Variants in DMXL2 observed in about 807,000 individuals in gnomAD.
DMXL2 encodes dmX-like protein 2.
DMXL2 carries 103 observed loss-of-function variants against 331.1 expected under a neutral mutation model. The observed-to-expected ratio is 0.31, with a 90% CI of 0.27 to 0.37. The LOEUF (loss-of-function observed/expected upper bound fraction) is 0.37, where lower values mean the gene tolerates loss of function less well. Among genes scored for constraint, DMXL2 ranks in the 10% least tolerant of loss-of-function variants. The probability of loss-of-function intolerance (pLI) is 1.00; values close to 1 mark genes in which losing one functional copy is unlikely to be tolerated. For missense variants in DMXL2, 3,171 were observed against 3,642.9 expected, an observed-to-expected ratio of 0.87 and a Z score of 3.33; for synonymous variants, 1,281 against 1,252.1, an observed-to-expected ratio of 1.02 and a Z score of -0.49.
At chr15:51,591,297 G>C (rs563561544) in intron 1 of DMXL2, among the ~76,000 whole-genome samples, 2 of 152,214 alleles carry the variant, frequency 1.3e-5, no homozygotes, top group Non-Finnish European at 2.9e-5. Flanking sequence ...CCCGCGCCTG[G>C]CTCGGAGGGT....
intron 6 of DMXL2, among the ~76,000 whole-genome samples, chr15:51,553,063 C>G (rs372631677): frequency 6.6e-6 from 1 of 152,206 alleles, no homozygotes; most frequent in Non-Finnish European, 1.5e-5. Context: ...CTCAGCAAAG[C>G]TTTCTCTATA....
At chr15:51,577,177 T>C (rs1174545293) in intron 1 of DMXL2, among the ~76,000 whole-genome samples, 2 of 152,238 alleles carry the variant, frequency 1.3e-5, no homozygotes, top group East Asian at 1.9e-4. Flanking sequence ...ACTTATGAAA[T>C]GGTATTTTTC....
chr15:51,480,783 T>A lies in DMXL2; in HGVS notation c.6323A>T (p.Asp2108Val). The A allele has an allele frequency of 6.2e-7, 1 of 1,603,008 alleles. No homozygotes were observed. Among genetic ancestry groups the A allele is most frequent in the Non-Finnish European group, 8.5e-7 (1 of 1,172,838 alleles). Residue 2108 changes from aspartate (D) to valine (V), a missense_variant, in exon 24 of 44, where the codon GAT becomes GTT. Physicochemically the swap from Asp to Val is radical, Grantham distance 152. This residue lies in a region of DMXL2 where 197 missense variants were observed against 196.2 expected (regional missense o/e 1.00). Coordinates refer to ENST00000560891, the MANE Select transcript of DMXL2 (RefSeq NM_001378457.1). ...TACCATTTCTTCCTGATCCAGCAGA[T>A]CACTCTCTACTTTGGAATATGTCTT... ...SSKTYSKVES[D>V]LLDQEEMVDK... is the part of the protein sequence containing the mutation.
chr15:51,582,642 A>C (rs1218923303), intron 1 of DMXL2, among the ~76,000 whole-genome samples: 1 of 152,020 alleles, frequency 6.6e-6, no homozygotes, highest in African/African-American at 2.4e-5. Flanking sequence ...GCTCTTTATG[A>C]TACTCTCAGA....
chr15:51,479,288 G>C (rs1462094336), intron 25 of DMXL2, among the ~76,000 whole-genome samples: 5 of 152,064 alleles, frequency 3.3e-5, no homozygotes, highest in African/African-American at 1.2e-4. Context: ...AGAAAACAGG[G>C]GACCTGAATT....
intron 16 of DMXL2, among the ~76,000 whole-genome samples, chr15:51,505,183 TTAAA>T (rs1218852629): frequency 1.3e-5 from 2 of 152,362 alleles, no homozygotes. Flanking sequence ...AATTCAAGCG[TTAAA>T]TGTGAATGGC....
chr15:51,602,011 T>C (rs1595710057), intron 1 of DMXL2, among the ~76,000 whole-genome samples: 1 of 152,102 alleles, frequency 6.6e-6, no homozygotes, highest in Non-Finnish European at 1.5e-5. Context: ...CAGTTCCAAG[T>C]AAAATAAAGT....
intron 8 of DMXL2, among the ~76,000 whole-genome samples, chr15:51,544,453 G>A (rs1231490302): frequency 2.0e-5 from 3 of 152,058 alleles, no homozygotes; most frequent in Non-Finnish European, 4.4e-5. Flanking sequence ...CTTCCTATAG[G>A]ACCATGAGCC....
chr15:51,498,879 T>C lies in DMXL2; in HGVS notation c.4345A>G (p.Ser1449Gly), dbSNP rs2043375080. 6.2e-7 allele frequency: 1 copy of C among 1,614,180 alleles called. No individual in the cohort carries two copies. ...QDTSYRISEESTKIPQSYEDQ... is the reference protein window; with the variant it reads ...QDTSYRISEEGTKIPQSYEDQ... ...TCATAGCTCTGTGGTATCTTTGTAC[T>C]TTCTTCTGAAATTCTGTAGGATGTA... is the stretch of plus-strand genomic sequence containing the variant. Residue 1449 changes from serine (S) to glycine (G), a missense_variant, in exon 18 of 44, where the codon AGT (serine) becomes GGT (glycine). By Grantham distance (56) the Ser-to-Gly change is moderately conservative. This residue lies in a region of DMXL2 where 1,674 missense variants were observed against 1,780.2 expected (regional missense o/e 0.94). Coordinates refer to ENST00000560891, the MANE Select transcript of DMXL2 (RefSeq NM_001378457.1).
At chr15:51,521,434 A>AGTAGTAGTT (rs1398272481) in intron 13 of DMXL2, among the ~76,000 whole-genome samples, 75 of 148,884 alleles carry the variant, frequency 5.0e-4, no homozygotes, top group African/African-American at 1.7e-3. Flanking sequence ...TAGTAGTAGT[A>AGTAGTAGTT]GTAGTAGTAG....
rs147432487 is a variant in DMXL2 at position 51,614,699 on chromosome 15, T to C, written c.87+7760A>G. Reference sequence around the variant, plus strand: ...AGTATCCTTTCCATTTACTAATTTATTGAGTACTTTTTTGTACCACCTTCT... The same window carrying C: ...AGTATCCTTTCCATTTACTAATTTACTGAGTACTTTTTTGTACCACCTTCT... On this transcript the variant is annotated intron_variant, in intron 1 of 43. Coordinates refer to ENST00000560891, the MANE Select transcript of DMXL2 (RefSeq NM_001378457.1). Among the ~76,000 whole-genome samples the C allele has an allele frequency of 6.6e-5, 10 of 152,354 alleles. No individual in the cohort carries two copies. The East Asian group carries it at 1.5e-3, about 23-fold the overall frequency.
chr15:51,455,007 A>G, intron 40 of DMXL2, 144 bp downstream of exon 40: 1 of 652,828 alleles, frequency 1.5e-6, no homozygotes, highest in Non-Finnish European at 2.8e-6. Context: ...TAGGGTAAGG[A>G]TGGGTGCTGC....
At chr15:51,485,210 C>A (rs1439731293) in intron 23 of DMXL2, among the ~76,000 whole-genome samples, 2 of 152,048 alleles carry the variant, frequency 1.3e-5, no homozygotes, top group East Asian at 3.8e-4. Flanking sequence ...CCAAAATTCC[C>A]AAGTCTTGGG....
At chr15:51,479,103 C>T (rs2041816424) in intron 25 of DMXL2, among the ~76,000 whole-genome samples, 1 of 152,082 alleles carries the variant, frequency 6.6e-6, no homozygotes, top group Non-Finnish European at 1.5e-5. Flanking sequence ...CTTTTTATGC[C>T]TTTTCTGCGT....
At position 51,476,565 on chromosome 15, in the gene DMXL2, T is replaced by C. The variant is rs760667284; in HGVS notation, c.6964+24A>G. 5.0e-6 allele frequency: 8 copies of C among 1,592,056 alleles called. No homozygotes were observed. The South Asian group carries it at 9.4e-5, about 19-fold the overall frequency. ...GAAATTGCCAACTAGAAGATTTTTT[T>C]TTTTTAATCATTTAAATTCTCACCA... On this transcript the variant is annotated intron_variant, in intron 27 of 43. Transcript: ENST00000560891.
At position 51,474,329 on chromosome 15, in the gene DMXL2, T is replaced by C. The variant is rs772171597; in HGVS notation, c.7213+15A>G. 6.3e-7 allele frequency: 1 copy of C among 1,594,672 alleles called. No homozygotes were observed. Among genetic ancestry groups the C allele is most frequent in the Non-Finnish European group, 8.6e-7 (1 of 1,166,242 alleles). Reference sequence around the variant, plus strand: ...TTAACATTTACATACATTACTGGTATCAAACGTATCTTACCTGAAATATTT... The same window carrying C: ...TTAACATTTACATACATTACTGGTACCAAACGTATCTTACCTGAAATATTT... On this transcript the variant is annotated intron_variant, in intron 28 of 43. Transcript: ENST00000560891.
chr15:51,461,329 G>A (rs568146031), intron 33 of DMXL2, among the ~76,000 whole-genome samples: 3 of 152,284 alleles, frequency 2.0e-5, no homozygotes, highest in African/African-American at 7.2e-5. Flanking sequence ...TCGTGGGGAA[G>A]GGCAAGACGA....
At position 51,464,792 on chromosome 15, in the gene DMXL2, T is replaced by C; in HGVS notation, c.7691A>G (p.Gln2564Arg). The C allele has an allele frequency of 1.2e-6, 2 of 1,614,162 alleles. No homozygotes were observed. The highest frequency in any genetic ancestry group is 1.7e-6 in the Non-Finnish European group (2 of 1,179,994). The part of the protein sequence containing the change: ...WEQILQEKMD[Q>R]FEGPPPNYIN... ...ATAGTTAGGGGGTGGACCTTCAAAC[T>C]GATCCATTTTCTCTTGCAAGATCTG... is the stretch of plus-strand genomic sequence containing the variant. The change falls in exon 32 of 44, where the codon CAG becomes CGG. Residue 2564 changes from glutamine (Q) to arginine (R), a missense_variant. Physicochemically the swap from Gln to Arg is conservative, Grantham distance 43 (BLOSUM62 1). This residue lies in a region of DMXL2 where 766 missense variants were observed against 940.5 expected (regional missense o/e 0.81). Transcript: ENST00000560891.
intron 13 of DMXL2, among the ~76,000 whole-genome samples, chr15:51,526,462 A>G (rs1368337011): frequency 6.6e-6 from 1 of 152,236 alleles, no homozygotes; most frequent in African/African-American, 2.4e-5. Context: ...GAAGATTACA[A>G]CAAATACCTA....
Sources: gnomAD v4.1 joint callset for allele counts (sites outside exome capture counted in the v4.1 genomes callset) on GRCh38, gnomAD v4.1.1 for gene constraint, gnomAD v4.1.1 regional missense constraint, MANE v1.5 for transcripts, NCBI Gene and HGNC (gene_info 2026-07-23, HGNC 2026-07-21) for gene names.